The following ATP8A2 variants were observed in gnomAD, a reference collection of about 807,000 sequenced individuals.
ATP8A2 encodes ATPase phospholipid transporting 8A2.
Under a neutral mutation model 165.6 loss-of-function variants are expected in ATP8A2, and 100 were observed. That is an observed-to-expected ratio of 0.60 (90% confidence interval 0.51 to 0.71). The LOEUF is 0.71. Among genes scored for constraint, ATP8A2 ranks in the 30% least tolerant of loss-of-function variants. The pLI, the probability that ATP8A2 is intolerant of heterozygous loss-of-function variation, is 0.00. For missense variants in ATP8A2, 1,227 were observed against 1,479.5 expected (o/e 0.83, Z 2.80); for synonymous variants, 543 against 548.8 (o/e 0.99, Z 0.15).
intron 24 of ATP8A2, among the ~76,000 whole-genome samples, chr13:25,687,389 A>G (rs1399048112): frequency 1.3e-5 from 2 of 152,170 alleles, no homozygotes; most frequent in Non-Finnish European, 2.9e-5. Context: ...TACAGACACT[A>G]ATGGGGGCAT....
At chr13:25,636,201 A>G (rs2137538818) in intron 24 of ATP8A2, among the ~76,000 whole-genome samples, 1 of 152,230 alleles carries the variant, frequency 6.6e-6, no homozygotes, top group South Asian at 2.1e-4. Flanking sequence ...TTTGTCTCAA[A>G]CAACTTAGTG....
intron 1 of ATP8A2, among the ~76,000 whole-genome samples, chr13:25,416,446 A>C (rs79359891): frequency 6.6e-6 from 1 of 152,176 alleles, no homozygotes; most frequent in Non-Finnish European, 1.5e-5. Flanking sequence ...CCCATTTAAA[A>C]TAAAATGTTA....
chr13:25,582,779 G>A (rs867850210), intron 23 of ATP8A2, among the ~76,000 whole-genome samples: 66 of 152,244 alleles, frequency 4.3e-4, no homozygotes, highest in African/African-American at 1.4e-3. Flanking sequence ...TAATCCAATG[G>A]TGTCCCTTTC....
Position 26,025,094 on chromosome 13 carries a change from A to G in ATP8A2, c.*5109A>G, listed in dbSNP as rs1162969970. ...TAGCCTGATATGTGGTTTATAGGTGAATCAATAAACACCAACAACAACAAA... is the reference window on the plus strand; with the variant it reads ...TAGCCTGATATGTGGTTTATAGGTGGATCAATAAACACCAACAACAACAAA... On this transcript the variant is annotated 3_prime_UTR_variant, in exon 37 of 37. Transcript: ENST00000381655. The G allele has an allele frequency of 6.9e-6, 1 of 145,494 alleles. No individual in the cohort carries two copies. Among genetic ancestry groups the G allele is most frequent in the Non-Finnish European group, 1.5e-5 (1 of 66,944 alleles). 9.0% of individuals were successfully genotyped at this position (145,494 alleles called of 1,614,324 possible).
chr13:25,711,709 G>A (rs2043163038), intron 25 of ATP8A2, among the ~76,000 whole-genome samples: 1 of 152,156 alleles, frequency 6.6e-6, no homozygotes, highest in African/African-American at 2.4e-5. Flanking sequence ...GCACATAGTA[G>A]GTGTTAGAAA....
At chr13:25,669,527 G>A (rs1463133818) in intron 24 of ATP8A2, among the ~76,000 whole-genome samples, 6 of 152,188 alleles carry the variant, frequency 3.9e-5, no homozygotes, top group African/African-American at 1.2e-4. Context: ...ATCCACCAGT[G>A]GGGCAAACCT....
intron 1 of ATP8A2, among the ~76,000 whole-genome samples, chr13:25,375,825 C>A (rs1047186365): frequency 6.6e-6 from 1 of 152,140 alleles, no homozygotes; most frequent in African/African-American, 2.4e-5. Flanking sequence ...CCCACCTCGA[C>A]CTCCCTAAGT....
intron 27 of ATP8A2, among the ~76,000 whole-genome samples, chr13:25,792,540 G>T (rs1338864540): frequency 6.6e-6 from 1 of 152,116 alleles, no homozygotes; most frequent in Admixed American, 6.6e-5. Flanking sequence ...TTTCCTGATT[G>T]CTTTGAAACT....
At chr13:25,418,235 C>T (rs17724929) in intron 1 of ATP8A2, among the ~76,000 whole-genome samples, 2,156 of 152,236 alleles carry the variant, frequency 0.014, 19 homozygotes, top group Admixed American at 0.022. Context: ...CCCACTGTCC[C>T]GTAATAATGC....
intron 28 of ATP8A2, among the ~76,000 whole-genome samples, chr13:25,830,367 T>TA (rs1436972136): frequency 7.9e-5 from 12 of 152,126 alleles, no homozygotes; most frequent in Admixed American, 2.6e-4. Flanking sequence ...AGTTTTTCTG[T>TA]CCCCTAAACT....
At chr13:25,979,699 G>C (rs542421664) in intron 35 of ATP8A2, among the ~76,000 whole-genome samples, 1 of 152,146 alleles carries the variant, frequency 6.6e-6, no homozygotes, top group Non-Finnish European at 1.5e-5. Context: ...GCCAGACTCC[G>C]GCCTAGAATG....
chr13:25,374,006 A>G (rs1236109124), intron 1 of ATP8A2, among the ~76,000 whole-genome samples: 1 of 152,196 alleles, frequency 6.6e-6, no homozygotes, highest in Non-Finnish European at 1.5e-5. Flanking sequence ...TTTTCATTTT[A>G]CACGGGCCCC....
chr13:25,928,960 CCT>C (rs1327877850), intron 33 of ATP8A2, among the ~76,000 whole-genome samples: 1 of 152,136 alleles, frequency 6.6e-6, no homozygotes, highest in Non-Finnish European at 1.5e-5. Context: ...AACACAGATG[CCT>C]CTCTTTTTCA....
chr13:25,376,440 A>G (rs2032628506), intron 1 of ATP8A2, among the ~76,000 whole-genome samples: 1 of 152,244 alleles, frequency 6.6e-6, no homozygotes, highest in Non-Finnish European at 1.5e-5. Context: ...AGGGCAGTAT[A>G]TCTAGGGGTT....
At chr13:25,638,348 A>G (rs890492565) in intron 24 of ATP8A2, among the ~76,000 whole-genome samples, 1 of 152,214 alleles carries the variant, frequency 6.6e-6, no homozygotes, top group Non-Finnish European at 1.5e-5. Context: ...CACAGAAGCT[A>G]AAAACCTTGA....
intron 1 of ATP8A2, among the ~76,000 whole-genome samples, chr13:25,394,693 C>T (rs1432341482): frequency 6.6e-6 from 1 of 152,086 alleles, no homozygotes; most frequent in Non-Finnish European, 1.5e-5. Context: ...AATTAAGAAA[C>T]ATCAGATGCA....
chr13:25,579,852 G>C lies in ATP8A2; in HGVS notation c.1912G>C (p.Glu638Gln), dbSNP rs761854466. ...CVAYADLSEN[E>Q]YEEWLKVYQE... ...GGCTTATGCTGATCTCTCTGAGAAT[G>C]AGTATGAGGAGTGGCTGAAAGTCTA... The change falls in exon 22 of 37, where the codon GAG (glutamate) becomes CAG (glutamine). Residue 638 changes from glutamate (E) to glutamine (Q), a missense_variant. Physicochemically the swap from Glu to Gln is conservative, Grantham distance 29 (BLOSUM62 2). This residue lies in a region of ATP8A2 where 592 missense variants were observed against 785.6 expected (regional missense o/e 0.75). Transcript: ENST00000381655. 6.2e-7 allele frequency: 1 copy of C among 1,614,058 alleles called. No individual in the cohort carries two copies. Among genetic ancestry groups the C allele is most frequent in the South Asian group, 1.1e-5 (1 of 91,074 alleles).
intron 1 of ATP8A2, among the ~76,000 whole-genome samples, chr13:25,459,170 T>C (rs1382429439): frequency 6.6e-6 from 1 of 152,160 alleles, no homozygotes; most frequent in African/African-American, 2.4e-5. Flanking sequence ...CAGAGGACGA[T>C]GAAGTGATTT....
chr13:25,477,770 C>G (rs986292811), intron 2 of ATP8A2, among the ~76,000 whole-genome samples: 1 of 152,104 alleles, frequency 6.6e-6, no homozygotes, highest in African/African-American at 2.4e-5. Context: ...AACCCCGTCT[C>G]TACTAAAAAC....
Sources: allele counts gnomAD v4.1 joint callset (sites outside exome capture counted in the v4.1 genomes callset), GRCh38; gene constraint gnomAD v4.1.1; regional missense constraint gnomAD v4.1.1; transcripts MANE v1.5; gene names NCBI Gene and HGNC (gene_info 2026-07-23, HGNC 2026-07-21).